Variants in KIF17 observed in about 807,000 individuals in gnomAD.
KIF17 encodes kinesin-like protein KIF17.
KIF17 carries 80 observed loss-of-function variants against 96.8 expected under a neutral mutation model. The ratio of observed to expected loss-of-function variants is 0.83; its 90% CI spans 0.69 to 1.00. KIF17 has a LOEUF of 1.00. KIF17 is among the 50% of genes least tolerant of loss of function. The pLI, the probability that KIF17 is intolerant of heterozygous loss-of-function variation, is 0.00. For synonymous variants in KIF17, 567 were observed against 587.5 expected (o/e 0.97, Z 0.51); for missense variants, 1,280 against 1,372.9 (o/e 0.93, Z 1.07).
chr1:20,668,010 CAAA>C (rs796242617), intron 13 of KIF17, among the ~76,000 whole-genome samples: 2 of 119,298 alleles, frequency 1.7e-5, no homozygotes, highest in Non-Finnish European at 1.8e-5. Context: ...AACTCTGTCT[CAAA>C]AAAAAAAAAA....
chr1:20,700,277 G>T lies in KIF17; in HGVS notation c.1124-1789C>A, dbSNP rs187751040. Among the ~76,000 whole-genome samples the T allele has an allele frequency of 5.2e-4, 79 of 152,200 alleles. No homozygotes were observed. In the East Asian group the frequency reaches 0.014, roughly 28 times the overall value. ...GTAGAGATGGGGTTTCACTATGTTGGCCAGGCTGGTCTCCAACTCCTGACC... is the reference window on the plus strand; with the variant it reads ...GTAGAGATGGGGTTTCACTATGTTGTCCAGGCTGGTCTCCAACTCCTGACC... On this transcript the variant is annotated intron_variant, in intron 5 of 14. Transcript: ENST00000400463. This position sits in a 1 kb window ranked among gnomAD's most constrained non-coding sequence, Gnocchi z 4.6.
intron 13 of KIF17, among the ~76,000 whole-genome samples, chr1:20,667,067 G>T (rs2053541713): frequency 6.6e-6 from 1 of 152,180 alleles, no homozygotes; most frequent in South Asian, 2.1e-4. Flanking sequence ...GATGCTTTAA[G>T]ACAAGGGTTT....
At chr1:20,690,812 A>G (rs2054026215) in intron 6 of KIF17, among the ~76,000 whole-genome samples, 2 of 151,584 alleles carry the variant, frequency 1.3e-5, no homozygotes, top group South Asian at 4.2e-4. Flanking sequence ...TCAGCCTCCC[A>G]AGTAGCTGGG....
Position 20,714,809 on chromosome 1 carries a change from A to AAC in KIF17, c.378+683_378+684insGT, listed in dbSNP as rs59170033. ...AAGACTCCGTCTCAAAAAAAAAAAA[A>AAC]AAAAAACACCTGAGGCCACAGGGAA... On this transcript the variant is annotated intron_variant, in intron 2 of 14. Transcript: ENST00000400463. Among the ~76,000 whole-genome samples, 11 of 151,854 alleles carry AAC rather than the reference A, an allele frequency of 7.2e-5. No homozygotes were observed. In the East Asian group the frequency reaches 2.1e-3, roughly 29 times the overall value.
chr1:20,667,477 G>T (rs2053549483), intron 13 of KIF17, among the ~76,000 whole-genome samples: 1 of 152,152 alleles, frequency 6.6e-6, no homozygotes, highest in Admixed American at 6.5e-5. Context: ...TAGAAATGAA[G>T]TCCACATTAA....
intron 14 of KIF17, among the ~76,000 whole-genome samples, chr1:20,665,216 GCTCTTT>G (rs2053504363): frequency 1.4e-5 from 1 of 69,094 alleles, no homozygotes. Flanking sequence ...ACTCAAATTT[GCTCTTT>G]TTTTTTTTTT....
intron 5 of KIF17, among the ~76,000 whole-genome samples, chr1:20,702,838 G>A (rs564009642): frequency 6.6e-6 from 1 of 152,310 alleles, no homozygotes; most frequent in South Asian, 2.1e-4. Flanking sequence ...GCCCTAGAGT[G>A]TGTCTCGTTG....
downstream of KIF17, among the ~76,000 whole-genome samples, chr1:20,661,959 C>T (rs987118614): frequency 6.6e-6 from 1 of 152,226 alleles, no homozygotes; most frequent in African/African-American, 2.4e-5. Flanking sequence ...AGCTCGGTGG[C>T]CCACGCTGGA....
intron 12 of KIF17, 95 bp downstream of exon 12, chr1:20,671,843 C>T: frequency 6.8e-7 from 1 of 1,472,388 alleles, no homozygotes; most frequent in Non-Finnish European, 9.3e-7. Context: ...TCTACACCCA[C>T]AGCCTGCAAG....
chr1:20,696,242 C>CT (rs140368213), intron 6 of KIF17, among the ~76,000 whole-genome samples: 6,248 of 152,264 alleles, frequency 0.041, 209 homozygotes, highest in Non-Finnish European at 0.059. Flanking sequence ...TCCTCCCTTT[C>CT]CCTGAATGGT....
At chr1:20,663,572 G>C (rs913159413), downstream of KIF17, among the ~76,000 whole-genome samples, 5 of 152,224 alleles carry the variant, frequency 3.3e-5, no homozygotes, top group Admixed American at 3.3e-4. Flanking sequence ...CAAAGGCCAA[G>C]CCTTTTCCCT....
chr1:20,666,179 T>G (rs767726397), intron 14 of KIF17, 35 bp downstream of exon 14: 4 of 1,436,542 alleles, frequency 2.8e-6, no homozygotes, highest in South Asian at 2.3e-5. Flanking sequence ...CTCCCAGTTG[T>G]GTGGAGAGGG....
At chr1:20,714,750 T>A (rs1209419747) in intron 2 of KIF17, among the ~76,000 whole-genome samples, 1 of 139,800 alleles carries the variant, frequency 7.2e-6, no homozygotes, top group Non-Finnish European at 1.5e-5. Context: ...TGAGCCAAGG[T>A]CATGCCATTG....
intron 5 of KIF17, among the ~76,000 whole-genome samples, chr1:20,703,482 GGATAGA>G (rs2154537135): frequency 7.8e-6 from 1 of 127,852 alleles, no homozygotes; most frequent in African/African-American, 3.1e-5. Flanking sequence ...ATGGATAGAT[GGATAGA>G]TGGATGGATG....
Position 20,699,101 on chromosome 1 carries a change from C to T in KIF17, c.1124-613G>A, listed in dbSNP as rs567783089. Among the ~76,000 whole-genome samples the T allele has an allele frequency of 1.3e-5, 2 of 152,258 alleles. No homozygotes were observed. Among genetic ancestry groups the T allele is most frequent in the African/African-American group, 4.8e-5 (2 of 41,558 alleles). ...AGTAGCTGGGACTACAGACACACAC[C>T]ACCACACCCAGCTAATCTTTTATTT... On this transcript the variant is annotated intron_variant, in intron 5 of 14. Coordinates refer to ENST00000400463, the MANE Select transcript of KIF17 (RefSeq NM_001122819.3). The surrounding 1 kb of genome is among the most constrained non-coding windows in gnomAD (Gnocchi z 4.3).
rs2053961279 is a variant in KIF17, at chr1:20,687,575, T to A, written c.1751A>T (p.Glu584Val). ...TTCCCCCAGCAGGTGCCCAGCGGCC[T>A]CCTGCCCGAGGCACTCATCCAGGAA... ...RYFLDECLGQ[E>V]AAGHLLGEQN... Residue 584 changes from glutamate (E) to valine (V), a missense_variant, in exon 8 of 15, where the codon GAG becomes GTG. Coordinates refer to ENST00000400463, the MANE Select transcript of KIF17 (RefSeq NM_001122819.3). This position sits in a 1 kb window ranked among gnomAD's most constrained non-coding sequence, Gnocchi z 4.4. 5 of 1,613,852 alleles carry A rather than the reference T, an allele frequency of 3.1e-6. No homozygotes were observed. Among genetic ancestry groups the A allele is most frequent in the Non-Finnish European group, 4.2e-6 (5 of 1,179,948 alleles).
Position 20,715,548 on chromosome 1 carries a change from G to C in KIF17, c.323C>G (p.Pro108Arg), listed in dbSNP as rs1003177478. The C allele has an allele frequency of 1.2e-6, 2 of 1,613,718 alleles. No homozygotes were observed. Among genetic ancestry groups the C allele is most frequent in the Admixed American group, 3.3e-5 (2 of 60,026 alleles). ...SFTMQGLPDP[P>R]SQRGIIPRAF... Reference sequence around the variant, plus strand: ...CCTGGGGATGATGCCTCTCTGGGAGGGCGGATCCGGCAGGCCCTGCATGGT... The same window carrying C: ...CCTGGGGATGATGCCTCTCTGGGAGCGCGGATCCGGCAGGCCCTGCATGGT... The change falls in exon 2 of 15, where the codon CCC becomes CGC. Residue 108 changes from proline (P) to arginine (R), a missense_variant. Coordinates refer to ENST00000400463, the MANE Select transcript of KIF17 (RefSeq NM_001122819.3).
chr1:20,676,295 A>T (rs561312371), intron 11 of KIF17, among the ~76,000 whole-genome samples: 1 of 152,226 alleles, frequency 6.6e-6, no homozygotes, highest in Non-Finnish European at 1.5e-5. Context: ...GAAAATTTTC[A>T]TATGGCAAAA....
At position 20,666,219 on chromosome 1, in the gene KIF17, C is replaced by T; in HGVS notation, c.2903G>A (p.Ser968Asn). The T allele has an allele frequency of 1.2e-6, 2 of 1,612,412 alleles. No individual in the cohort carries two copies. The highest frequency in any genetic ancestry group is 1.3e-5 in the African/African-American group (1 of 75,014). ...SQILSTDARK[S>N]LTHHNSPPGL... is the part of the protein sequence containing the mutation. ...GACAGGGGAGGGACACTCACTGAGG[C>T]TCTTCCTGGCGTCTGTGCTGAGGAT... The change falls in exon 14 of 15, where the codon AGC becomes AAC. Residue 968 changes from serine to asparagine, a missense_variant. Physicochemically the swap from Ser to Asn is conservative, Grantham distance 46. Transcript: ENST00000400463.
Sources: gnomAD v4.1 joint callset for allele counts (sites outside exome capture counted in the v4.1 genomes callset) on GRCh38, gnomAD v4.1.1 for gene constraint, Gnocchi (gnomAD v3.1) non-coding constraint, MANE v1.5 for transcripts, NCBI Gene and HGNC (gene_info 2026-07-23, HGNC 2026-07-21) for gene names.